RBBP8: variants seen among roughly 807,000 people sequenced by gnomAD.
RBBP8 encodes RB binding protein 8, endonuclease.
In RBBP8, 88 loss-of-function variants were observed where a neutral mutation model predicts 108.3. The ratio of observed to expected loss-of-function variants is 0.81; its 90% CI spans 0.68 to 0.97. The LOEUF (loss-of-function observed/expected upper bound fraction) is 0.97. Ranked by LOEUF, RBBP8 falls within the 50% of genes least tolerant of loss-of-function variation. The pLI, the probability that RBBP8 is intolerant of heterozygous loss-of-function variation, is 0.00. For synonymous variants in RBBP8, 332 were observed against 348.2 expected (o/e 0.95, Z 0.52); for missense variants, 1,023 against 1,049.0 (o/e 0.98, Z 0.34).
At chr18:22,977,793 C>T (rs1257647771) in intron 6 of RBBP8, 1 of 152,040 alleles carries the variant, frequency 6.6e-6, no homozygotes, top group African/African-American at 2.4e-5. Flanking sequence ...CTTCCAGGAC[C>T]ATCTTAAGCA....
Position 22,993,632 on chromosome 18 carries a change from A to G in RBBP8, c.1805A>G (p.Asp602Gly). 6.2e-7 allele frequency: 1 copy of G among 1,614,270 alleles called. No homozygotes were observed. Among genetic ancestry groups the G allele is most frequent in the Non-Finnish European group, 8.5e-7 (1 of 1,180,042 alleles). ...TTGGAGACTGAGAATGTTTTAGATG[A>G]CATAAAGGTTTGTGTTAAATGTTCA... The part of the protein sequence containing the change: ...ESLETENVLD[D>G]IKSAGSHEPI... The change falls in exon 11 of 19, where the codon GAC (aspartate) becomes GGC (glycine). Residue 602 changes from aspartate to glycine, a missense_variant. Coordinates refer to ENST00000327155, the MANE Select transcript of RBBP8 (RefSeq NM_002894.3).
At chr18:22,964,122 C>G (rs1913355620) in intron 4 of RBBP8, among the ~76,000 whole-genome samples, 1 of 152,152 alleles carries the variant, frequency 6.6e-6, no homozygotes, top group Non-Finnish European at 1.5e-5. Flanking sequence ...ACAATCCCCA[C>G]CAAAACAGTG....
rs1005064340 is a variant in RBBP8, at chr18:22,949,667, G to A, written c.202G>A (p.Glu68Lys). 1.2e-6 allele frequency: 2 copies of A among 1,613,578 alleles called. No homozygotes were observed. Among genetic ancestry groups the A allele is most frequent in the Non-Finnish European group, 1.7e-6 (2 of 1,179,690 alleles). The change falls in exon 4 of 19, where the codon GAA becomes AAA. Residue 68 changes from glutamate (E) to lysine (K), a missense_variant. Coordinates refer to ENST00000327155, the MANE Select transcript of RBBP8 (RefSeq NM_002894.3). The part of the protein sequence containing the change: ...EFFTKNQQLR[E>K]QQKVLHETIK... ...CTTCACCAAAAATCAACAGCTGAGG[G>A]AACAGCAGAAAGTCCTTCATGAAAC...
intron 16 of RBBP8, among the ~76,000 whole-genome samples, chr18:23,012,207 C>CAA (rs368600707): frequency 0.055 from 4,482 of 80,940 alleles, 714 homozygotes; most frequent in African/African-American, 0.09. Flanking sequence ...GATGCTGTCT[C>CAA]CAAAAAAAAA....
chr18:22,955,726 C>T (rs2144520812), intron 4 of RBBP8, among the ~76,000 whole-genome samples: 1 of 151,348 alleles, frequency 6.6e-6, no homozygotes, highest in East Asian at 2.0e-4. Flanking sequence ...TACAGGCGCC[C>T]ACTGCCTCGC....
At chr18:23,000,062 A>G (rs1315747061) in intron 14 of RBBP8, among the ~76,000 whole-genome samples, 2 of 152,230 alleles carry the variant, frequency 1.3e-5, no homozygotes, top group Non-Finnish European at 2.9e-5. Context: ...ACTAGAGATA[A>G]TGAATAAACA....
At chr18:23,005,616 T>C (rs1567995472) in intron 15 of RBBP8, among the ~76,000 whole-genome samples, 1 of 151,946 alleles carries the variant, frequency 6.6e-6, no homozygotes, top group Non-Finnish European at 1.5e-5. Flanking sequence ...TTTCACCATG[T>C]TGGCCAGGCT....
intron 4 of RBBP8, among the ~76,000 whole-genome samples, chr18:22,951,363 G>A (rs1203570068): frequency 2.0e-5 from 3 of 152,132 alleles, no homozygotes; most frequent in African/African-American, 4.8e-5. Context: ...TTCAAAGGTT[G>A]GGAGTGAGCC....
chr18:22,964,222 T>C (rs1450030144), intron 4 of RBBP8, among the ~76,000 whole-genome samples: 1 of 152,084 alleles, frequency 6.6e-6, no homozygotes, highest in East Asian at 1.9e-4. Context: ...CCCATCTCTA[T>C]TCTGATTTTT....
At chr18:22,922,655 G>A (rs773665624) in intron 3 of RBBP8, among the ~76,000 whole-genome samples, 6 of 152,022 alleles carry the variant, frequency 3.9e-5, no homozygotes, top group Non-Finnish European at 8.8e-5. Context: ...TGTAGCAACG[G>A]GGTTTCCTCA....
intron 16 of RBBP8, among the ~76,000 whole-genome samples, chr18:23,015,991 C>T (rs1375875936): frequency 6.6e-6 from 1 of 152,108 alleles, no homozygotes; most frequent in Non-Finnish European, 1.5e-5. Flanking sequence ...CTCGCTGCAA[C>T]ATTTGCCTCC....
rs571245330 is a variant in RBBP8, at chr18:23,011,194, T to G, written c.2357+4762T>G. 2.6e-5 allele frequency among the ~76,000 whole-genome samples: 4 copies of G among 152,322 alleles called. No homozygotes were observed. The East Asian group carries it at 5.8e-4, about 22-fold the overall frequency. On this transcript the variant is annotated intron_variant, in intron 16 of 18. Coordinates refer to ENST00000327155, the MANE Select transcript of RBBP8 (RefSeq NM_002894.3). ...CTAGAGGGGCATGTATGTGATCTTTTTATTACACTTCTATTTAAGGTATAC... is the reference window on the plus strand; with the variant it reads ...CTAGAGGGGCATGTATGTGATCTTTGTATTACACTTCTATTTAAGGTATAC...
At chr18:22,952,877 CTT>C (rs1213861404) in intron 4 of RBBP8, among the ~76,000 whole-genome samples, 1 of 152,200 alleles carries the variant, frequency 6.6e-6, no homozygotes, top group Non-Finnish European at 1.5e-5. Flanking sequence ...CATTACACCA[CTT>C]TCTACAAGCA....
At chr18:22,979,225 A>C (rs1392022583) in intron 6 of RBBP8, among the ~76,000 whole-genome samples, 2 of 152,246 alleles carry the variant, frequency 1.3e-5, no homozygotes, top group Non-Finnish European at 2.9e-5. Context: ...AGATCGCACC[A>C]CTGCACTCCA....
intron 15 of RBBP8, among the ~76,000 whole-genome samples, chr18:23,001,936 G>T (rs2045955758): frequency 6.6e-6 from 1 of 152,042 alleles, no homozygotes; most frequent in East Asian, 1.9e-4. Flanking sequence ...CTGTACCTTT[G>T]ACCCAACCTC....
chr18:22,915,120 T>C (rs1166410583), intron 1 of RBBP8, among the ~76,000 whole-genome samples: 1 of 152,120 alleles, frequency 6.6e-6, no homozygotes, highest in Non-Finnish European at 1.5e-5. Context: ...ACATGTCTTC[T>C]AGGGCATTTA....
At chr18:22,979,635 A>T (rs1914756167) in intron 6 of RBBP8, among the ~76,000 whole-genome samples, 1 of 152,248 alleles carries the variant, frequency 6.6e-6, no homozygotes, top group South Asian at 2.1e-4. Flanking sequence ...GACTGGTAAC[A>T]ATTGGTTGGC....
chr18:22,994,802 G>A (rs2060937904), intron 12 of RBBP8, among the ~76,000 whole-genome samples: 1 of 151,870 alleles, frequency 6.6e-6, no homozygotes. Flanking sequence ...CGGCTCACTT[G>A]CAGCCTTGAC....
At chr18:22,949,515 G>C in intron 3 of RBBP8, 103 bp from the exon 4 acceptor site, 1 of 863,076 alleles carries the variant, frequency 1.2e-6, no homozygotes, top group Admixed American at 1.9e-5. Flanking sequence ...CAGTTGTTTT[G>C]TTTTGGTACA....
Sources: gnomAD v4.1 joint callset for allele counts (sites outside exome capture counted in the v4.1 genomes callset) on GRCh38, gnomAD v4.1.1 for gene constraint, MANE v1.5 for transcripts, NCBI Gene and HGNC (gene_info 2026-07-23, HGNC 2026-07-21) for gene names.